DPP10: variants seen among roughly 807,000 people sequenced by gnomAD.
DPP10 encodes dipeptidyl peptidase like 10.
In DPP10, 33 loss-of-function variants were observed where a neutral mutation model predicts 120.9. That is an observed-to-expected ratio of 0.27 (90% CI 0.21 to 0.37). The LOEUF is 0.37. Ranked by LOEUF, DPP10 falls within the 10% of genes least tolerant of loss-of-function variation. DPP10 has a pLI of 1.00. For synonymous variants in DPP10, 337 were observed against 326.1 expected, an observed-to-expected ratio of 1.03 and a Z score of -0.36; for missense variants, 816 against 942.8, an observed-to-expected ratio of 0.87 and a Z score of 1.76.
At chr2:115,812,832 C>G (rs76315875) in intron 19 of DPP10, among the ~76,000 whole-genome samples, 2,771 of 152,120 alleles carry the variant, frequency 0.018, 85 homozygotes, top group African/African-American at 0.061. Flanking sequence ...AGAAAACTTA[C>G]TCCCAAAAAG....
chr2:114,899,954 C>T lies in DPP10; in HGVS notation c.61-409285C>T, dbSNP rs1455152298. ...CAGCCTGGGTGACAGAGCGAGACTC[C>T]GTCTCAAAAAAACAAACAAACAAAA... is the stretch of plus-strand genomic sequence containing the variant. On this transcript the variant is annotated intron_variant, in intron 1 of 25. Coordinates refer to ENST00000410059, the MANE Select transcript of DPP10 (RefSeq NM_020868.6). 7.2e-5 allele frequency among the ~76,000 whole-genome samples: 11 copies of T among 152,190 alleles called. No individual in the cohort carries two copies. In the East Asian group the frequency reaches 1.4e-3, roughly 19 times the overall value.
At chr2:114,714,191 CTA>C (rs1336844475) in intron 1 of DPP10, among the ~76,000 whole-genome samples, 2 of 151,160 alleles carry the variant, frequency 1.3e-5, no homozygotes, top group Non-Finnish European at 2.9e-5. Context: ...CGGGAGTTTC[CTA>C]AAGTCATGAA....
At chr2:115,821,747 T>C (rs1194891118) in intron 21 of DPP10, among the ~76,000 whole-genome samples, 1 of 152,020 alleles carries the variant, frequency 6.6e-6, no homozygotes, top group Non-Finnish European at 1.5e-5. Context: ...AGTATTGTAT[T>C]GTATGACTAT....
At chr2:114,467,291 T>C (rs1222499410) in intron 1 of DPP10, among the ~76,000 whole-genome samples, 1 of 152,202 alleles carries the variant, frequency 6.6e-6, no homozygotes, top group Non-Finnish European at 1.5e-5. Flanking sequence ...TGTACTAGAC[T>C]GGGTAGAGCG....
chr2:115,460,270 G>A (rs1336906920), intron 3 of DPP10, among the ~76,000 whole-genome samples: 1 of 151,846 alleles, frequency 6.6e-6, no homozygotes, highest in African/African-American at 2.4e-5. Context: ...TTTTCATAAC[G>A]ACCTGCAAAT....
At position 115,845,292 on chromosome 2, in the gene DPP10, A is replaced by G. The variant is rs187823753; in HGVS notation, c.*2947A>G. 1 of 152,216 alleles carries G rather than the reference A, an allele frequency of 6.6e-6. No homozygotes were observed. Among genetic ancestry groups the G allele is most frequent in the Non-Finnish European group, 1.5e-5 (1 of 68,080 alleles). 9.4% of individuals were successfully genotyped at this position (152,216 alleles called of 1,614,324 possible). On this transcript the variant is annotated 3_prime_UTR_variant, in exon 26 of 26. Coordinates refer to ENST00000410059, the MANE Select transcript of DPP10 (RefSeq NM_020868.6). The stretch of plus-strand genomic sequence containing the variant: ...ACCTTCACATCCTGCGGCCACCAAC[A>G]CTGTATGGATACAATCTGGCCTCTC...
chr2:114,650,086 C>G (rs923620407), intron 1 of DPP10, among the ~76,000 whole-genome samples: 1 of 152,110 alleles, frequency 6.6e-6, no homozygotes, highest in Non-Finnish European at 1.5e-5. Context: ...CAAGTTTCAT[C>G]GTCTGATGTT....
chr2:115,786,120 G>C (rs185664093), intron 17 of DPP10, among the ~76,000 whole-genome samples: 67 of 152,220 alleles, frequency 4.4e-4, no homozygotes, highest in African/African-American at 1.6e-3. Flanking sequence ...AGACAGCGTA[G>C]TCCAATGGGA....
intron 9 of DPP10, among the ~76,000 whole-genome samples, chr2:115,740,562 G>A (rs975017683): frequency 6.6e-6 from 1 of 152,054 alleles, no homozygotes; most frequent in African/African-American, 2.4e-5. Context: ...TAAAATGCTG[G>A]TATGGAGTCA....
At chr2:115,821,970 T>C (rs183443900) in intron 21 of DPP10, among the ~76,000 whole-genome samples, 2 of 152,158 alleles carry the variant, frequency 1.3e-5, no homozygotes, top group Non-Finnish European at 2.9e-5. Context: ...GTATTCATAC[T>C]TTGTATTTTA....
chr2:114,664,626 CAAAAAAAAA>C (rs374561367), intron 1 of DPP10, among the ~76,000 whole-genome samples: 1 of 81,562 alleles, frequency 1.2e-5, no homozygotes, highest in Non-Finnish European at 2.9e-5. Flanking sequence ...GACTCCGTCT[CAAAAAAAAA>C]AAAAAAAAAA....
At chr2:115,680,135 C>CA in intron 5 of DPP10, among the ~76,000 whole-genome samples, 1 of 151,738 alleles carries the variant, frequency 6.6e-6, no homozygotes, top group African/African-American at 2.4e-5. Flanking sequence ...TTATGTCACT[C>CA]AAAAATTTTA....
At chr2:114,582,135 C>T (rs1204102042) in intron 1 of DPP10, among the ~76,000 whole-genome samples, 15 of 152,194 alleles carry the variant, frequency 9.9e-5, no homozygotes, top group Non-Finnish European at 1.5e-5. Flanking sequence ...TACCCTCAAC[C>T]CCTGACAACC....
chr2:115,462,222 G>A (rs1409450845), intron 3 of DPP10, among the ~76,000 whole-genome samples: 6 of 151,988 alleles, frequency 3.9e-5, no homozygotes, highest in South Asian at 2.1e-4. Flanking sequence ...CCCTTTTCCT[G>A]GTCCTTTCCC....
At chr2:115,453,400 CAA>C (rs1319303759) in intron 3 of DPP10, among the ~76,000 whole-genome samples, 1 of 151,304 alleles carries the variant, frequency 6.6e-6, no homozygotes, top group Non-Finnish European at 1.5e-5. Flanking sequence ...TGAGATTTTG[CAA>C]AGTCTATGTC....
chr2:114,987,186 T>C (rs1271074300), intron 1 of DPP10, among the ~76,000 whole-genome samples: 1 of 152,192 alleles, frequency 6.6e-6, no homozygotes, highest in Non-Finnish European at 1.5e-5. Flanking sequence ...GCATATAAAT[T>C]ACACATCAGT....
intron 9 of DPP10, among the ~76,000 whole-genome samples, chr2:115,742,312 A>G (rs1044050496): frequency 7.2e-5 from 11 of 152,274 alleles, no homozygotes; most frequent in African/African-American, 2.6e-4. Context: ...CTCCTTGTCA[A>G]GTTAACATAT....
At chr2:115,063,109 T>C (rs1459505718) in intron 1 of DPP10, among the ~76,000 whole-genome samples, 1 of 152,202 alleles carries the variant, frequency 6.6e-6, no homozygotes, top group Non-Finnish European at 1.5e-5. Flanking sequence ...GGTATCTCAC[T>C]GTGGTTTTTA....
intron 1 of DPP10, among the ~76,000 whole-genome samples, chr2:114,837,530 A>G (rs550492167): frequency 1.4e-4 from 22 of 152,170 alleles, no homozygotes; most frequent in Non-Finnish European, 2.8e-4. Context: ...ACTTAAATGT[A>G]GAAGGTTAGT....
Sources: gnomAD v4.1 joint callset for allele counts (sites outside exome capture counted in the v4.1 genomes callset) on GRCh38, gnomAD v4.1.1 for gene constraint, MANE v1.5 for transcripts, NCBI Gene and HGNC (gene_info 2026-07-23, HGNC 2026-07-21) for gene names.